NPLOC4: variants seen among roughly 807,000 people sequenced by gnomAD.
NPLOC4 encodes nuclear protein localization protein 4 homolog.
NPLOC4 carries 18 observed loss-of-function variants against 80.6 expected under a neutral mutation model. That is an observed-to-expected ratio of 0.22 (90% CI 0.15 to 0.33). The LOEUF is 0.33. Among genes scored for constraint, NPLOC4 ranks in the 10% least tolerant of loss-of-function variants. NPLOC4 has a pLI of 1.00. For synonymous variants in NPLOC4, 313 were observed against 301.5 expected, an observed-to-expected ratio of 1.04 and a Z score of -0.39; for missense variants, 540 against 786.1, an observed-to-expected ratio of 0.69 and a Z score of 3.74.
chr17:81,633,936 G>A (rs543156512), intron 1 of NPLOC4, among the ~76,000 whole-genome samples: 7 of 151,150 alleles, frequency 4.6e-5, no homozygotes, highest in East Asian at 3.9e-4. Context: ...GTGCGATCTC[G>A]GCTCACTGCA....
chr17:81,600,537 T>C (rs1174042362), intron 8 of NPLOC4, 110 bp from the exon 9 acceptor site: 3 of 760,626 alleles, frequency 3.9e-6, no homozygotes, highest in East Asian at 2.7e-5. Context: ...GGGGGCCTCC[T>C]TGTCAGAAAG....
intron 1 of NPLOC4, among the ~76,000 whole-genome samples, chr17:81,635,336 C>G (rs572661019): frequency 4.3e-4 from 49 of 114,710 alleles, no homozygotes; most frequent in Non-Finnish European, 5.8e-4. Flanking sequence ...GAGACTCCAT[C>G]TCAAAAAAAT....
chr17:81,587,028 G>T (rs986366906), intron 12 of NPLOC4, among the ~76,000 whole-genome samples: 1 of 152,196 alleles, frequency 6.6e-6, no homozygotes, highest in Non-Finnish European at 1.5e-5. Context: ...CACTCAGCAC[G>T]CCAGTAACAA....
intron 15 of NPLOC4, chr17:81,566,350 T>C (rs1327090072): frequency 6.6e-6 from 1 of 152,184 alleles, no homozygotes; most frequent in Non-Finnish European, 1.5e-5. Flanking sequence ...ATAATTCATA[T>C]ATGAGAAACG....
rs978248794 is a variant in NPLOC4 at position 81,636,901 on chromosome 17, G to T, written c.15+15C>A. On this transcript the variant is annotated intron_variant, in intron 1 of 16. Transcript: ENST00000331134. The stretch of plus-strand genomic sequence containing the variant: ...CATCCCGGCGTCCCCGCTCCCGCCC[G>T]GCCGCCGCACTCACGATGCTCTCGG... 1 of 1,409,482 alleles carries T rather than the reference G, an allele frequency of 7.1e-7. No individual in the cohort carries two copies. The allele number at this position is 1,409,482 out of a possible 1,614,324, so 87.3% of individuals were successfully genotyped here.
intron 11 of NPLOC4, among the ~76,000 whole-genome samples, chr17:81,594,354 A>G (rs183185105): frequency 4.3e-4 from 65 of 151,878 alleles, no homozygotes; most frequent in African/African-American, 1.5e-3. Context: ...TTAATTATTA[A>G]CATAATTAAC....
At position 81,559,117 on chromosome 17, in the gene NPLOC4, G is replaced by A. The variant is rs893929386; in HGVS notation, c.*142C>T. 9 of 945,192 alleles carry A rather than the reference G, an allele frequency of 9.5e-6. No homozygotes were observed. The highest frequency in any genetic ancestry group is 1.7e-5 in the African/African-American group (1 of 60,112). 58.6% of individuals were successfully genotyped at this position (945,192 alleles called of 1,614,324 possible). ...GGAACGTGCTGAGAAGCTTCAGTGG[G>A]TCAGGGAGCCCAGGACAGCCAGCCC... is the stretch of plus-strand genomic sequence containing the variant. On this transcript the variant is annotated 3_prime_UTR_variant, in exon 17 of 17. Coordinates refer to ENST00000331134, the MANE Select transcript of NPLOC4 (RefSeq NM_017921.4).
chr17:81,564,109 C>CACACACACACAG (rs751782727), intron 16 of NPLOC4: 46 of 335,024 alleles, frequency 1.4e-4, no homozygotes, highest in African/African-American at 3.1e-4. Context: ...CACACACACA[C>CACACACACACAG]ACACACACAA....
chr17:81,567,603 T>C lies in NPLOC4; in HGVS notation c.1450-70A>G. The C allele has an allele frequency of 2.1e-6, 2 of 930,772 alleles. No homozygotes were observed. The highest frequency in any genetic ancestry group is 3.4e-6 in the Non-Finnish European group (2 of 583,906). The allele number at this position is 930,772 out of a possible 1,614,324, so 57.7% of individuals were successfully genotyped here. ...GTGCCAGACCCCGAAACAGAGCTGT[T>C]TCCTACTAAGACGCAACTCAATACA... On this transcript the variant is annotated intron_variant, in intron 14 of 16. Transcript: ENST00000331134. The surrounding 1 kb of genome is among the most constrained non-coding windows in gnomAD (Gnocchi z 4.5).
intron 11 of NPLOC4, among the ~76,000 whole-genome samples, chr17:81,592,426 G>A (rs1050308429): frequency 1.3e-5 from 2 of 152,174 alleles, no homozygotes; most frequent in Admixed American, 6.5e-5. Context: ...GCAAGTCTGA[G>A]CACCAAGAGG....
chr17:81,617,785 A>C (rs1320176676), intron 3 of NPLOC4, among the ~76,000 whole-genome samples: 1 of 151,278 alleles, frequency 6.6e-6, no homozygotes, highest in Non-Finnish European at 1.5e-5. Context: ...CAGCCTGCCG[A>C]GTGCCTGCGA....
At chr17:81,616,218 G>A (rs2035480520) in intron 3 of NPLOC4, among the ~76,000 whole-genome samples, 1 of 151,216 alleles carries the variant, frequency 6.6e-6, no homozygotes, top group African/African-American at 2.4e-5. Context: ...CTACTCAGGA[G>A]GCTGAGACAG....
At chr17:81,622,916 C>T (rs1388657652) in intron 2 of NPLOC4, among the ~76,000 whole-genome samples, 1 of 151,994 alleles carries the variant, frequency 6.6e-6, no homozygotes, top group African/African-American at 2.4e-5. Context: ...AATTCCAGGC[C>T]AGGCGTGGTG....
In NPLOC4 at chr17:81,573,095, A is replaced by T. The variant is rs539166219; in HGVS notation, c.1282-1007T>A. On this transcript the variant is annotated intron_variant, in intron 12 of 16. Coordinates refer to ENST00000331134, the MANE Select transcript of NPLOC4 (RefSeq NM_017921.4). ...AGTTCAAACAGAGCTCCAGAAATAA[A>T]TTCATAAGAACCAAAGCTTTTCATT... 5.3e-5 allele frequency among the ~76,000 whole-genome samples: 8 copies of T among 152,342 alleles called. No individual in the cohort carries two copies. In the South Asian group the frequency reaches 1.7e-3, roughly 32 times the overall value.
At chr17:81,568,249 A>G (rs62073398) in intron 14 of NPLOC4, among the ~76,000 whole-genome samples, 13,489 of 152,266 alleles carry the variant, frequency 0.089, 649 homozygotes, top group Middle Eastern at 0.17. Flanking sequence ...CATCTAGGGC[A>G]GCAAGAGGGA....
intron 11 of NPLOC4, among the ~76,000 whole-genome samples, chr17:81,594,298 A>C (rs1398837960): frequency 2.1e-5 from 3 of 143,136 alleles, no homozygotes; most frequent in Non-Finnish European, 3.1e-5. Context: ...AAAAAAAAAA[A>C]AAAAAACTGA....
intron 9 of NPLOC4, among the ~76,000 whole-genome samples, chr17:81,598,468 T>C (rs2034979082): frequency 6.6e-6 from 1 of 152,172 alleles, no homozygotes; most frequent in Non-Finnish European, 1.5e-5. Flanking sequence ...AGTAGGTCTT[T>C]CCTGACAAGC....
intron 7 of NPLOC4, 22 bp downstream of exon 7, chr17:81,606,669 A>T: frequency 6.2e-7 from 1 of 1,605,186 alleles, no homozygotes; most frequent in Non-Finnish European, 8.5e-7. Flanking sequence ...AAACAAATCT[A>T]GACAGACAGG....
intron 5 of NPLOC4, 69 bp downstream of exon 5, chr17:81,610,141 G>T: frequency 7.1e-7 from 1 of 1,415,576 alleles, no homozygotes; most frequent in Non-Finnish European, 9.8e-7. Context: ...CTCAGGGCAA[G>T]CACTTAAGAC....
Sources: allele counts gnomAD v4.1 joint callset (sites outside exome capture counted in the v4.1 genomes callset), GRCh38; gene constraint gnomAD v4.1.1; non-coding constraint Gnocchi (gnomAD v3.1); transcripts MANE v1.5; gene names NCBI Gene and HGNC (gene_info 2026-07-23, HGNC 2026-07-21).